NPFFR2: variants seen among roughly 807,000 people sequenced by gnomAD.
NPFFR2 encodes neuropeptide FF receptor 2, also known as G-protein coupled receptor 74.
Under a neutral mutation model 13.1 loss-of-function variants are expected in NPFFR2, and 15 were observed. The observed-to-expected ratio is 1.15, with a 90% confidence interval of 0.77 to 1.76. The LOEUF is 1.76. NPFFR2 is among the 40% of genes most tolerant of loss of function. The pLI is 0.00. For missense variants in NPFFR2, 572 were observed against 503.5 expected, an observed-to-expected ratio of 1.14 and a Z score of -1.30; for synonymous variants, 190 against 175.7, an observed-to-expected ratio of 1.08 and a Z score of -0.65.
At chr4:72,130,166 T>C (rs925430533) in intron 2 of NPFFR2, among the ~76,000 whole-genome samples, 3 of 152,032 alleles carry the variant, frequency 2.0e-5, no homozygotes, top group African/African-American at 7.2e-5. Flanking sequence ...ACAGTAACAA[T>C]CTGATCTCTC....
chr4:72,033,984 T>C (rs995705032), intron 1 of NPFFR2, among the ~76,000 whole-genome samples: 7 of 152,192 alleles, frequency 4.6e-5, no homozygotes, highest in African/African-American at 7.2e-5. Context: ...TAAATATTTA[T>C]AAACCTTTTC....
chr4:72,115,040 A>AT (rs1721671663), intron 1 of NPFFR2, among the ~76,000 whole-genome samples: 1 of 152,138 alleles, frequency 6.6e-6, no homozygotes, highest in Non-Finnish European at 1.5e-5. Flanking sequence ...CATTGGATAT[A>AT]TTTTGCCATT....
intron 1 of NPFFR2, among the ~76,000 whole-genome samples, chr4:72,127,095 G>T (rs548926051): frequency 1.3e-5 from 2 of 151,562 alleles, no homozygotes; most frequent in Non-Finnish European, 1.5e-5. Flanking sequence ...GAGGTCAGGA[G>T]ATCCAGACCA....
chr4:72,145,568 G>A (rs577632811), intron 3 of NPFFR2, among the ~76,000 whole-genome samples: 25 of 152,112 alleles, frequency 1.6e-4, no homozygotes, highest in Non-Finnish European at 2.5e-4. Context: ...ATAATTTCAC[G>A]GCAGGTGAAT....
intron 1 of NPFFR2, among the ~76,000 whole-genome samples, chr4:72,104,784 A>AAAGG: frequency 6.6e-6 from 1 of 152,118 alleles, no homozygotes; most frequent in East Asian, 1.9e-4. Context: ...TATTAATATC[A>AAAGG]AAGGAATATT....
rs192649176 is a variant in NPFFR2 at position 72,080,726 on chromosome 4, C to T, written c.-7-47859C>T. The stretch of plus-strand genomic sequence containing the variant: ...ATCTCCTTAATCTGTATACTTCCAG[C>T]TTAGAGTTGGATAAGAGAGGAAATC... On this transcript the variant is annotated intron_variant, in intron 1 of 3. Coordinates refer to ENST00000308744, the MANE Select transcript of NPFFR2 (RefSeq NM_004885.3). Among the ~76,000 whole-genome samples, 473 of 152,184 alleles carry T rather than the reference C, an allele frequency of 3.1e-3. 5 individuals carry two copies. Among genetic ancestry groups the T allele is most frequent in the African/African-American group, 0.011 (436 of 41,516 alleles).
intron 1 of NPFFR2, chr4:72,068,860 T>A: frequency 3.4e-6 from 1 of 292,918 alleles, no homozygotes; most frequent in Non-Finnish European, 5.9e-6. Flanking sequence ...TTTTATCTTA[T>A]CTTTTTTCCT....
At chr4:72,075,999 ACACACACAGAGAGAGAGAGAGG>A (rs1407997262) in intron 1 of NPFFR2, among the ~76,000 whole-genome samples, 72 of 17,954 alleles carry the variant, frequency 4.0e-3, no homozygotes, top group African/African-American at 5.4e-3. Flanking sequence ...ACACACACAC[ACACACACAGAGAGAGAGAGAGG>A]GCAGACAGCA....
At chr4:72,110,373 T>C (rs1226198632) in intron 1 of NPFFR2, among the ~76,000 whole-genome samples, 1 of 151,994 alleles carries the variant, frequency 6.6e-6, no homozygotes, top group Non-Finnish European at 1.5e-5. Flanking sequence ...TTACCCAGTC[T>C]CAAATATGTC....
chr4:72,137,092 C>T (rs1257999418), intron 2 of NPFFR2, among the ~76,000 whole-genome samples: 1 of 152,096 alleles, frequency 6.6e-6, no homozygotes, highest in African/African-American at 2.4e-5. Flanking sequence ...AAGACATTCT[C>T]TTTTAGTTTC....
intron 1 of NPFFR2, among the ~76,000 whole-genome samples, chr4:72,083,485 T>G (rs1048620035): frequency 4.0e-5 from 6 of 148,580 alleles, no homozygotes; most frequent in African/African-American, 1.5e-4. Context: ...ATTTGAGTAT[T>G]TGCCATCAGT....
chr4:72,059,160 T>G (rs1467856692), intron 1 of NPFFR2, among the ~76,000 whole-genome samples: 1 of 152,072 alleles, frequency 6.6e-6, no homozygotes, highest in Non-Finnish European at 1.5e-5. Context: ...AGGCATCTCA[T>G]GAATTAGCTA....
intron 1 of NPFFR2, among the ~76,000 whole-genome samples, chr4:72,099,172 A>G (rs1721158845): frequency 6.6e-6 from 1 of 152,200 alleles, no homozygotes; most frequent in South Asian, 2.1e-4. Context: ...TAGACAAGAA[A>G]GCATAACAAT....
chr4:72,037,883 C>T (rs1719084827), intron 1 of NPFFR2, among the ~76,000 whole-genome samples: 1 of 152,176 alleles, frequency 6.6e-6, no homozygotes, highest in Non-Finnish European at 1.5e-5. Flanking sequence ...ACAGAAGTAT[C>T]AAAGACCAGC....
chr4:72,147,335 G>T lies in NPFFR2; in HGVS notation c.786G>T (p.Trp262Cys), dbSNP rs756388130. 1 of 1,614,146 alleles carries T rather than the reference G, an allele frequency of 6.2e-7. No individual in the cohort carries two copies. ...PHTGRKNQEQ[W>C]HVVSRKKQKI... ...CAGGCAGGAAGAACCAGGAGCAGTG[G>T]CACGTGGTGTCCAGGAAGAAGCAGA... Residue 262 changes from tryptophan (W) to cysteine (C), a missense_variant, in exon 4 of 4, where the codon TGG becomes TGT. Trp to Cys is a radical substitution (Grantham distance 215, BLOSUM62 -2). Coordinates refer to ENST00000308744, the MANE Select transcript of NPFFR2 (RefSeq NM_004885.3).
intron 1 of NPFFR2, among the ~76,000 whole-genome samples, chr4:72,086,217 A>G (rs905361561): frequency 3.3e-5 from 5 of 152,114 alleles, no homozygotes; most frequent in African/African-American, 9.6e-5. Context: ...AAATAAATTT[A>G]AATAAATAGT....
rs146700835 is a variant in NPFFR2, at chr4:72,101,262, A to G, written c.-7-27323A>G. The stretch of plus-strand genomic sequence containing the variant: ...CCTATTTATGCACATTACTTCTTGA[A>G]TAAGATATTCCTATGCCTATCCAAT... On this transcript the variant is annotated intron_variant, in intron 1 of 3. Coordinates refer to ENST00000308744, the MANE Select transcript of NPFFR2 (RefSeq NM_004885.3). Among the ~76,000 whole-genome samples the G allele has an allele frequency of 4.5e-3, 690 of 152,156 alleles. 3 individuals are homozygous for G. The highest frequency in any genetic ancestry group is 0.016 in the African/African-American group (661 of 41,558).
At chr4:72,130,598 T>C (rs28428664) in intron 2 of NPFFR2, among the ~76,000 whole-genome samples, 6,658 of 152,156 alleles carry the variant, frequency 0.044, 400 homozygotes, top group African/African-American at 0.14. Flanking sequence ...GACCCCTGCT[T>C]GGGACTGGTG....
intron 1 of NPFFR2, among the ~76,000 whole-genome samples, chr4:72,067,268 G>C (rs999698718): frequency 2.6e-5 from 4 of 151,770 alleles, no homozygotes; most frequent in African/African-American, 9.7e-5. Context: ...GAAGTGGCCA[G>C]TGAGCACTGT....
Sources: gnomAD v4.1 joint callset for allele counts (sites outside exome capture counted in the v4.1 genomes callset) on GRCh38, gnomAD v4.1.1 for gene constraint, MANE v1.5 for transcripts, NCBI Gene and HGNC (gene_info 2026-07-23, HGNC 2026-07-21) for gene names.